The following NME7 variants were observed in gnomAD, a reference collection of about 807,000 sequenced individuals.
The protein encoded by NME7 is nucleoside diphosphate kinase 7.
Under a neutral mutation model 49.1 loss-of-function variants are expected in NME7, and 41 were observed. The observed-to-expected ratio is 0.83, with a 90% CI of 0.65 to 1.08. The LOEUF (loss-of-function observed/expected upper bound fraction) is 1.08, where lower values mean the gene tolerates loss of function less well. Among genes scored for constraint, NME7 ranks in the 50% least tolerant of loss-of-function variants. NME7 has a pLI of 0.00. For synonymous variants in NME7, 139 were observed against 150.6 expected (o/e 0.92, Z 0.56); for missense variants, 423 against 463.4 (o/e 0.91, Z 0.80).
chr1:169,316,627 T>C (rs1339078220), intron 3 of NME7, among the ~76,000 whole-genome samples: 2 of 152,162 alleles, frequency 1.3e-5, no homozygotes, highest in Non-Finnish European at 2.9e-5. Context: ...TCAGAGAATC[T>C]TTCCTAGCTT....
chr1:169,237,706 G>A lies in NME7; in HGVS notation c.755-19C>T. 1.3e-6 allele frequency: 2 copies of A among 1,587,900 alleles called. No individual in the cohort carries two copies. Among genetic ancestry groups the A allele is most frequent in the South Asian group, 1.2e-5 (1 of 86,564 alleles). On this transcript the variant is annotated intron_variant, in intron 7 of 11. Transcript: ENST00000367811. ...AACAGTCCTGAAAATGAAGGACAAT[G>A]AGTGAAAAAATACAAAATTTTAAGA...
chr1:169,318,305 G>A lies in NME7; in HGVS notation c.278+4812C>T, dbSNP rs188063149. 2.3e-3 allele frequency among the ~76,000 whole-genome samples: 350 copies of A among 152,312 alleles called. 1 individual carries two copies. The highest frequency in any genetic ancestry group is 8.1e-3 in the African/African-American group (336 of 41,574). On this transcript the variant is annotated intron_variant, in intron 3 of 11. Coordinates refer to ENST00000367811, the MANE Select transcript of NME7 (RefSeq NM_013330.5). ...TGATCTACATCTATCTCCTGTGTTAGTTCTTCATCAGTTAGTAATTTGGAG... is the reference window on the plus strand; with the variant it reads ...TGATCTACATCTATCTCCTGTGTTAATTCTTCATCAGTTAGTAATTTGGAG...
At chr1:169,187,618 T>A (rs1235536437) in intron 10 of NME7, among the ~76,000 whole-genome samples, 1 of 152,190 alleles carries the variant, frequency 6.6e-6, no homozygotes, top group Non-Finnish European at 1.5e-5. Flanking sequence ...TATTCCTCCA[T>A]CCCTTTATTT....
intron 11 of NME7, among the ~76,000 whole-genome samples, chr1:169,159,484 C>T (rs1298828001): frequency 6.6e-6 from 1 of 152,174 alleles, no homozygotes; most frequent in African/African-American, 2.4e-5. Context: ...CCCCAACCCA[C>T]CAACATGGAG....
intron 11 of NME7, among the ~76,000 whole-genome samples, chr1:169,148,106 G>A (rs1244726745): frequency 6.6e-6 from 1 of 151,910 alleles, no homozygotes; most frequent in Non-Finnish European, 1.5e-5. Context: ...GGGTTTAAGC[G>A]ATTCTCCTAC....
intron 1 of NME7, among the ~76,000 whole-genome samples, chr1:169,328,372 A>G (rs545292325): frequency 1.3e-5 from 2 of 152,174 alleles, no homozygotes; most frequent in Non-Finnish European, 2.9e-5. Flanking sequence ...TCTGTTGCCT[A>G]TGTCTCCCAA....
chr1:169,310,151 G>T (rs1651331225), intron 3 of NME7, 71 bp from the exon 4 acceptor site: 1 of 926,612 alleles, frequency 1.1e-6, no homozygotes, highest in Non-Finnish European at 1.7e-6. Flanking sequence ...TTCCCAAGCA[G>T]CAGTATTCTC....
At position 169,348,665 on chromosome 1, in the gene NME7, AAAAGCCATTTCAC is replaced by A. The variant is rs937624635; in HGVS notation, c.3+19030_3+19042del. On this transcript the variant is annotated intron_variant, in intron 1 of 11. Transcript: ENST00000367811. ...ATGTGGATTTAACATATCCTGCCCA[AAAAGCCATTTCAC>A]AAAGCCATTTCACAAAGCCATTTCA... Among the ~76,000 whole-genome samples the A allele has an allele frequency of 2.6e-3, 392 of 152,192 alleles. 1 individual carries two copies. Among genetic ancestry groups the A allele is most frequent in the African/African-American group, 8.3e-3 (345 of 41,520 alleles).
At chr1:169,338,252 T>G (rs993677699) in intron 1 of NME7, among the ~76,000 whole-genome samples, 59 of 152,196 alleles carry the variant, frequency 3.9e-4, no homozygotes, top group African/African-American at 1.4e-3. Context: ...TTCCACATAT[T>G]TCCAAGATTG....
At chr1:169,160,857 G>A (rs1013148247) in intron 11 of NME7, among the ~76,000 whole-genome samples, 3 of 152,148 alleles carry the variant, frequency 2.0e-5, no homozygotes, top group African/African-American at 7.2e-5. Flanking sequence ...ATTAGTCTCT[G>A]AGGCTTTCTG....
rs142019865 is a variant in NME7, at chr1:169,319,675, C to T, written c.278+3442G>A. On this transcript the variant is annotated intron_variant, in intron 3 of 11. Coordinates refer to ENST00000367811, the MANE Select transcript of NME7 (RefSeq NM_013330.5). ...AGACCTTGGGATCAAAGATTATACA[C>T]ACAGTTGACTTCATAATTTTTCTTC... is the stretch of plus-strand genomic sequence containing the variant. Among the ~76,000 whole-genome samples the T allele has an allele frequency of 3.3e-3, 495 of 152,258 alleles. 3 individuals are homozygous for T. Among genetic ancestry groups the T allele is most frequent in the African/African-American group, 0.011 (458 of 41,550 alleles).
chr1:169,132,864 C>CT (rs763285952), intron 11 of NME7, 47 bp from the exon 12 acceptor site: 1 of 1,558,654 alleles, frequency 6.4e-7, no homozygotes. Flanking sequence ...AAATTTTGGT[C>CT]TTTTCCACTT....
chr1:169,357,895 G>A (rs979853243), intron 1 of NME7, among the ~76,000 whole-genome samples: 17 of 151,942 alleles, frequency 1.1e-4, no homozygotes, highest in Admixed American at 3.9e-4. Context: ...GATATTCAGG[G>A]ATCTCACACC....
At chr1:169,364,758 T>C (rs1653786286) in intron 1 of NME7, among the ~76,000 whole-genome samples, 2 of 152,206 alleles carry the variant, frequency 1.3e-5, no homozygotes, top group Non-Finnish European at 2.9e-5. Flanking sequence ...AGTTTAACTT[T>C]GAAGCAAGGA....
rs773249553 is a variant in NME7, at chr1:169,287,248, A to G, written c.754+55T>C. 3.8e-6 allele frequency: 5 copies of G among 1,329,772 alleles called. No individual in the cohort carries two copies. In the South Asian group the frequency reaches 6.4e-5, roughly 17 times the overall value. 82.4% of individuals were successfully genotyped at this position (1,329,772 alleles called of 1,614,324 possible). A position where few individuals can be genotyped will look rare whatever the true frequency, so the allele number is the denominator to read the frequency against. On this transcript the variant is annotated intron_variant, in intron 7 of 11. Transcript: ENST00000367811. ...TCTATACATAAAGTACATCAAGAAA[A>G]TAAACATTGCTCTCCTATTAACAAA...
intron 3 of NME7, chr1:169,322,624 C>T (rs1651894639): frequency 6.7e-6 from 1 of 150,262 alleles, no homozygotes; most frequent in Non-Finnish European, 1.5e-5. Flanking sequence ...CTTTTTACAA[C>T]ACTCACATTG....
intron 1 of NME7, among the ~76,000 whole-genome samples, chr1:169,345,634 T>C (rs1395396426): frequency 1.3e-5 from 2 of 152,192 alleles, no homozygotes; most frequent in Non-Finnish European, 2.9e-5. Flanking sequence ...TGTTAGAGTG[T>C]CAGCATACTC....
intron 10 of NME7, among the ~76,000 whole-genome samples, chr1:169,205,239 C>T (rs568939044): frequency 1.3e-5 from 2 of 152,172 alleles, no homozygotes; most frequent in East Asian, 3.9e-4. Context: ...CAATTGTTTT[C>T]CCATGATCTT....
intron 3 of NME7, among the ~76,000 whole-genome samples, chr1:169,316,074 TGAA>T (rs1277119816): frequency 2.0e-5 from 3 of 151,772 alleles, no homozygotes; most frequent in African/African-American, 7.2e-5. Flanking sequence ...AATGAAGAAA[TGAA>T]GAATAACAAG....
Sources: gnomAD v4.1 joint callset for allele counts (sites outside exome capture counted in the v4.1 genomes callset) on GRCh38, gnomAD v4.1.1 for gene constraint, MANE v1.5 for transcripts, NCBI Gene and HGNC (gene_info 2026-07-23, HGNC 2026-07-21) for gene names.